Variants in VPS8 observed in about 807,000 individuals in gnomAD.
The protein encoded by VPS8 is VPS8 subunit of CORVET complex.
VPS8 carries 129 observed loss-of-function variants against 216.4 expected under a neutral mutation model. The observed-to-expected ratio is 0.60, with a 90% CI of 0.52 to 0.69. The LOEUF is 0.69. Ranked by LOEUF, VPS8 falls within the 30% of genes least tolerant of loss-of-function variation. VPS8 has a pLI of 0.00. For synonymous variants in VPS8, 571 were observed against 565.4 expected (o/e 1.01, Z -0.14); for missense variants, 1,531 against 1,683.5 (o/e 0.91, Z 1.59).
At chr3:184,815,750 TG>T (rs1488487503) in intron 1 of VPS8, 1 of 150,902 alleles carries the variant, frequency 6.6e-6, no homozygotes, top group Non-Finnish European at 1.5e-5. Flanking sequence ...GCAGTGGTGC[TG>T]GGGTGTTTTA....
chr3:185,003,629 C>T (rs1753756749), intron 45 of VPS8, among the ~76,000 whole-genome samples: 2 of 151,944 alleles, frequency 1.3e-5, no homozygotes, highest in African/African-American at 2.4e-5. Context: ...TCCACAAAAC[C>T]GCCATTGTCA....
chr3:185,009,614 G>C (rs79445568), intron 45 of VPS8, among the ~76,000 whole-genome samples: 3,079 of 152,208 alleles, frequency 0.02, 159 homozygotes, highest in East Asian at 0.17. Flanking sequence ...TTTTTTGCGG[G>C]GGGTAGGGAA....
At chr3:184,955,234 A>G (rs1309592290) in intron 36 of VPS8, among the ~76,000 whole-genome samples, 1 of 152,188 alleles carries the variant, frequency 6.6e-6, no homozygotes. Context: ...GCTGTGCTTC[A>G]GTGGTCACTC....
Position 184,894,944 on chromosome 3 carries a change from T to C in VPS8, c.2004+19T>C, listed in dbSNP as rs1204558935. 2.6e-6 allele frequency: 4 copies of C among 1,565,018 alleles called. No homozygotes were observed. Among genetic ancestry groups the C allele is most frequent in the East Asian group, 2.3e-5 (1 of 43,742 alleles). On this transcript the variant is annotated intron_variant, in intron 23 of 47. Transcript: ENST00000625842. ...TCAGCAGGTGAGTTTATAGACAGTC[T>C]ACTAACTTATGAAATAAACTTCATT...
At chr3:184,931,415 T>C (rs2074676105) in intron 34 of VPS8, among the ~76,000 whole-genome samples, 1 of 152,168 alleles carries the variant, frequency 6.6e-6, no homozygotes, top group South Asian at 2.1e-4. Context: ...ATTCTTCTTA[T>C]AGCAAGAGTC....
chr3:184,846,361 GCA>G (rs1354444876), intron 8 of VPS8, among the ~76,000 whole-genome samples: 2 of 152,172 alleles, frequency 1.3e-5, no homozygotes, highest in Non-Finnish European at 2.9e-5. Flanking sequence ...AGTCAGGAAA[GCA>G]CAGTCATGTT....
At chr3:184,994,174 A>T (rs1418415479) in intron 43 of VPS8, 111 bp downstream of exon 43, 1 of 695,552 alleles carries the variant, frequency 1.4e-6, no homozygotes, top group Non-Finnish European at 2.3e-6. Flanking sequence ...ACTGGCAGTT[A>T]GGTAGACTGA....
chr3:184,940,270 T>TTATATATATATA lies in VPS8; in HGVS notation c.3035+35_3035+46dup, dbSNP rs5855048. Reference sequence around the variant, plus strand: ...TATGTTGACAAACTTTAGTCTTTCATTATATATATATATATATATGAGAAA... The same window carrying TTATATATATATA: ...TATGTTGACAAACTTTAGTCTTTCATTATATATATATATATATATATATATATATATGAGAAA... On this transcript the variant is annotated intron_variant, in intron 36 of 47. Transcript: ENST00000625842. 81 of 579,872 alleles carry TTATATATATATA rather than the reference T, an allele frequency of 1.4e-4. 2 individuals carry two copies. The highest frequency in any genetic ancestry group is 5.9e-4 in the African/African-American group (31 of 52,912). The allele number at this position is 579,872 out of a possible 1,614,324, so 35.9% of individuals were successfully genotyped here.
At chr3:184,837,044 C>T (rs1044541401) in intron 5 of VPS8, among the ~76,000 whole-genome samples, 1 of 152,008 alleles carries the variant, frequency 6.6e-6, no homozygotes, top group Non-Finnish European at 1.5e-5. Context: ...TCCTAGGGTA[C>T]TGATTAAATT....
chr3:184,995,219 G>A (rs939819248), intron 43 of VPS8, among the ~76,000 whole-genome samples: 3 of 152,200 alleles, frequency 2.0e-5, no homozygotes, highest in Non-Finnish European at 4.4e-5. Flanking sequence ...GCGTACTGCA[G>A]AGTAACCCAT....
chr3:185,045,571 G>A (rs542311792), intron 46 of VPS8, among the ~76,000 whole-genome samples: 3 of 152,194 alleles, frequency 2.0e-5, no homozygotes, highest in South Asian at 4.2e-4. Flanking sequence ...AGGAATTCAA[G>A]ACCAGCCTGA....
chr3:184,915,478 A>G lies in VPS8; in HGVS notation c.2382+4A>G. 6.2e-7 allele frequency: 1 copy of G among 1,612,850 alleles called. No individual in the cohort carries two copies. The highest frequency in any genetic ancestry group is 8.5e-7 in the Non-Finnish European group (1 of 1,179,532). On this transcript the variant is annotated splice_donor_region_variant and intron_variant, in intron 28 of 47. Transcript: ENST00000625842. ...ATTTCTAAATGTATTGGCACTGGTA[A>G]GAGACAGTATTATTTTAAGGTGTTT...
intron 36 of VPS8, among the ~76,000 whole-genome samples, chr3:184,945,249 A>G (rs1021123691): frequency 1.1e-4 from 17 of 151,668 alleles, no homozygotes; most frequent in Non-Finnish European, 2.2e-4. Context: ...ATTTTTATTT[A>G]TACTCACTTT....
At chr3:184,964,615 G>GAAT in intron 38 of VPS8, 58 bp downstream of exon 38, 1 of 1,139,918 alleles carries the variant, frequency 8.8e-7, no homozygotes, top group Non-Finnish European at 1.2e-6. Flanking sequence ...ATTCATTCAT[G>GAAT]AATCCATCTT....
In VPS8 at chr3:184,846,004, A is replaced by C. The variant is rs1723056800; in HGVS notation, c.541+2759A>C. 2.0e-5 allele frequency among the ~76,000 whole-genome samples: 3 copies of C among 152,298 alleles called. No homozygotes were observed. The South Asian group carries it at 6.2e-4, about 32-fold the overall frequency. ...CTTTACTCATTTATTCCTCTTAGCA[A>C]CACAGTGAGATAATGGGCATTTTCT... On this transcript the variant is annotated intron_variant, in intron 8 of 47. Transcript: ENST00000625842.
intron 46 of VPS8, among the ~76,000 whole-genome samples, chr3:185,038,629 C>T (rs538420264): frequency 2.6e-5 from 4 of 152,334 alleles, no homozygotes; most frequent in African/African-American, 7.2e-5. Context: ...CAAGTGAAGT[C>T]AGTTCCTCTG....
intron 36 of VPS8, among the ~76,000 whole-genome samples, chr3:184,945,722 A>G (rs758570646): frequency 3.9e-5 from 6 of 152,184 alleles, no homozygotes; most frequent in African/African-American, 7.2e-5. Context: ...GGAAAAACCA[A>G]TTCACTGAGA....
intron 45 of VPS8, among the ~76,000 whole-genome samples, chr3:185,019,039 C>T (rs1307315552): frequency 6.6e-6 from 1 of 152,188 alleles, no homozygotes; most frequent in Non-Finnish European, 1.5e-5. Context: ...AACAGACCTG[C>T]TCTGTTACCT....
At chr3:184,861,113 C>T (rs972013340) in intron 15 of VPS8, among the ~76,000 whole-genome samples, 4 of 152,166 alleles carry the variant, frequency 2.6e-5, no homozygotes, top group African/African-American at 9.7e-5. Context: ...TGAGCCACCG[C>T]ACCTGGCCAA....
Sources: gnomAD v4.1 joint callset for allele counts (sites outside exome capture counted in the v4.1 genomes callset) on GRCh38, gnomAD v4.1.1 for gene constraint, MANE v1.5 for transcripts, NCBI Gene and HGNC (gene_info 2026-07-23, HGNC 2026-07-21) for gene names.